DMRT2: variants seen among roughly 807,000 people sequenced by gnomAD.
DMRT2 encodes the protein doublesex and mab-3 related transcription factor 2.
In DMRT2, 33 loss-of-function variants were observed where a neutral mutation model predicts 43.5. That is an observed-to-expected ratio of 0.76 (90% CI 0.58 to 1.01). The LOEUF (loss-of-function observed/expected upper bound fraction) is 1.01, where lower values mean the gene tolerates loss of function less well. DMRT2 is among the 50% of genes least tolerant of loss of function. The pLI is 0.00. For missense variants in DMRT2, 1,064 were observed against 748.0 expected (o/e 1.42, Z -4.93); for synonymous variants, 395 against 309.2 (o/e 1.28, Z -2.91).
chr9:1,051,844 G>T lies in DMRT2; in HGVS notation c.231G>T (p.Gln77His). Residue 77 changes from glutamine to histidine, a missense_variant, in exon 2 of 4, where the codon CAG becomes CAT. Physicochemically the swap from Gln to His is conservative, Grantham distance 24. Coordinates refer to ENST00000358146, the MANE Select transcript of DMRT2 (RefSeq NM_181872.6). The surrounding 1 kb of genome is among the most constrained non-coding windows in gnomAD (Gnocchi z 5.9). ...EAGASPGMPG[Q>H]PEQRGGPQPR... ...GCGCGTCCCCCGGGATGCCCGGCCA[G>T]CCGGAGCAGCGGGGGGGACCGCAGC... The T allele has an allele frequency of 7.0e-7, 1 of 1,429,564 alleles. No homozygotes were observed. The highest frequency in any genetic ancestry group is 9.1e-7 in the Non-Finnish European group (1 of 1,100,046). The allele number at this position is 1,429,564 out of a possible 1,614,324, so 88.6% of individuals were successfully genotyped here.
At chr9:1,054,526 G>A (rs574149587) in intron 3 of DMRT2, 1 of 152,088 alleles carries the variant, frequency 6.6e-6, no homozygotes, top group South Asian at 2.1e-4. Flanking sequence ...AGCAAGCGAA[G>A]TGGAGGTTGA....
chr9:1,055,676 T>C, intron 3 of DMRT2: 1 of 1,447,002 alleles, frequency 6.9e-7, no homozygotes, highest in Non-Finnish European at 9.2e-7. Flanking sequence ...TTTCTTTTTC[T>C]ACTCGCTAAT....
chr9:1,051,204 A>G lies in DMRT2; in HGVS notation c.-44-366A>G, dbSNP rs1177437607. Among the ~76,000 whole-genome samples the G allele has an allele frequency of 6.6e-6, 1 of 152,186 alleles. No homozygotes were observed. The highest frequency in any genetic ancestry group is 2.4e-5 in the African/African-American group (1 of 41,460). On this transcript the variant is annotated intron_variant, in intron 1 of 3. Coordinates refer to ENST00000358146, the MANE Select transcript of DMRT2 (RefSeq NM_181872.6). The surrounding 1 kb of genome is among the most constrained non-coding windows in gnomAD (Gnocchi z 5.9). Reference sequence around the variant, plus strand: ...TGCATCATGGCCATACTAGTTGAGTATGGGGAAATCCGACAAGTGGCCTGG... The same window carrying G: ...TGCATCATGGCCATACTAGTTGAGTGTGGGGAAATCCGACAAGTGGCCTGG...
chr9:1,056,412 G>C lies in DMRT2; in HGVS notation c.825G>C (p.Val275=). ...CTCTGTTTCTGCCCAACCGCATGGT[G>C]CCTGGACCTGACTACAATTCCTACA... The part of the protein sequence containing the change: ...AAALFLPNRM[V]PGPDYNSYKS... Residue 275 remains valine (V), a synonymous_variant, in exon 4 of 4, where the codon GTG becomes GTC. Transcript: ENST00000358146. The C allele has an allele frequency of 1.9e-6, 3 of 1,614,198 alleles. No homozygotes were observed. The highest frequency in any genetic ancestry group is 1.7e-6 in the Non-Finnish European group (2 of 1,180,032).
chr9:1,053,681 T>C, intron 2 of DMRT2, 41 bp from the exon 3 acceptor site: 1 of 1,559,476 alleles, frequency 6.4e-7, no homozygotes. Flanking sequence ...CGCCCCCATT[T>C]TCTTTCAGGG....
At position 1,056,774 on chromosome 9, in the gene DMRT2, C is replaced by G. The variant is rs142308383; in HGVS notation, c.1187C>G (p.Ser396Trp). 6.2e-7 allele frequency: 1 copy of G among 1,614,084 alleles called. No individual in the cohort carries two copies. Among genetic ancestry groups the G allele is most frequent in the South Asian group, 1.1e-5 (1 of 91,074 alleles). The change falls in exon 4 of 4, where the codon TCG (serine) becomes TGG (tryptophan). Residue 396 changes from serine (S) to tryptophan (W), a missense_variant. By Grantham distance (177) the Ser-to-Trp change is radical. Coordinates refer to ENST00000358146, the MANE Select transcript of DMRT2 (RefSeq NM_181872.6). ...AGTGCAGAGCAGGACATGATGCCATCGAAATTGGAAGGTTCCCTGGTGCTG... is the reference window on the plus strand; with the variant it reads ...AGTGCAGAGCAGGACATGATGCCATGGAAATTGGAAGGTTCCCTGGTGCTG... ...GLSAEQDMMP[S>W]KLEGSLVLPH...
chr9:1,055,682 C>G, intron 3 of DMRT2: 2 of 1,458,038 alleles, frequency 1.4e-6, no homozygotes, highest in Non-Finnish European at 1.8e-6. Context: ...TTTCTACTCG[C>G]TAATCTCCTT....
Position 1,053,774 on chromosome 9 carries a change from A to G in DMRT2, c.578A>G (p.Tyr193Cys). 2 of 1,614,184 alleles carry G rather than the reference A, an allele frequency of 1.2e-6. No homozygotes were observed. The highest frequency in any genetic ancestry group is 1.1e-5 in the South Asian group (1 of 91,086). ...AATAATTTCGAGCGCAAAGCTGTGTACCAGAGGCAAGTCAGAGCCCCCAGT... is the reference window on the plus strand; with the variant it reads ...AATAATTTCGAGCGCAAAGCTGTGTGCCAGAGGCAAGTCAGAGCCCCCAGT... ...KQNNFERKAV[Y>C]QRQVRAPSLL... is the part of the protein sequence containing the mutation. The change falls in exon 3 of 4, where the codon TAC becomes TGC. Residue 193 changes from tyrosine (Y) to cysteine (C), a missense_variant. Coordinates refer to ENST00000358146, the MANE Select transcript of DMRT2 (RefSeq NM_181872.6).
At position 1,057,354 on chromosome 9, in the gene DMRT2, T is replaced by G. The variant is rs1299749577; in HGVS notation, c.*81T>G. 1 of 1,446,594 alleles carries G rather than the reference T, an allele frequency of 6.9e-7. No individual in the cohort carries two copies. Among genetic ancestry groups the G allele is most frequent in the Non-Finnish European group, 9.2e-7 (1 of 1,086,318 alleles). 89.6% of individuals were successfully genotyped at this position (1,446,594 alleles called of 1,614,324 possible). A position where few individuals can be genotyped will look rare whatever the true frequency, so the allele number is the denominator to read the frequency against. On this transcript the variant is annotated 3_prime_UTR_variant, in exon 4 of 4. Transcript: ENST00000358146. ...TTGCTACTTTTTTTAAAAGTTAAGA[T>G]GTTTGTGTAAAGAAATTTCTAATGT...
At chr9:1,055,694 A>G in intron 3 of DMRT2, 1 of 1,476,448 alleles carries the variant, frequency 6.8e-7, no homozygotes, top group Non-Finnish European at 9.0e-7. Context: ...AATCTCCTTT[A>G]ACTTTCTTTC....
Position 1,056,456 on chromosome 9 carries a change from G to T in DMRT2, c.869G>T (p.Ser290Ile). 6.2e-7 allele frequency: 1 copy of T among 1,614,152 alleles called. No homozygotes were observed. The highest frequency in any genetic ancestry group is 8.5e-7 in the Non-Finnish European group (1 of 1,180,018). ...TCCTACAAAAGTGCCTACAGCCCCA[G>T]CCCAGTGGAACCACCAAGCAAGGAC... ...YNSYKSAYSP[S>I]PVEPPSKDFC... Residue 290 changes from serine (S) to isoleucine (I), a missense_variant, in exon 4 of 4, where the codon AGC becomes ATC. Transcript: ENST00000358146.
chr9:1,052,210 C>T lies in DMRT2; in HGVS notation c.525+72C>T, dbSNP rs758127591. On this transcript the variant is annotated intron_variant, in intron 2 of 3. Transcript: ENST00000358146. The stretch of plus-strand genomic sequence containing the variant: ...GGGAGTTGGAGGGGAGCGGGGCGGC[C>T]GTCCACACCCCCCGCGCCCAGGGCC... The T allele has an allele frequency of 1.4e-4, 165 of 1,213,152 alleles. 1 individual carries two copies. The highest frequency in any genetic ancestry group is 9.3e-4 in the Middle Eastern group (3 of 3,212). 75.1% of individuals were successfully genotyped at this position (1,213,152 alleles called of 1,614,324 possible). A position where few individuals can be genotyped will look rare whatever the true frequency, so the allele number is the denominator to read the frequency against.
rs1004569305 is a variant in DMRT2 at position 1,057,361 on chromosome 9, G to A, written c.*88G>A. ...TTTTTTTAAAAGTTAAGATGTTTGT[G>A]TAAAGAAATTTCTAATGTAAAGATG... is the stretch of plus-strand genomic sequence containing the variant. On this transcript the variant is annotated 3_prime_UTR_variant, in exon 4 of 4. Transcript: ENST00000358146. 20 of 1,406,928 alleles carry A rather than the reference G, an allele frequency of 1.4e-5. No homozygotes were observed. The highest frequency in any genetic ancestry group is 2.4e-5 in the Admixed American group (1 of 41,156). 87.2% of individuals were successfully genotyped at this position (1,406,928 alleles called of 1,614,324 possible). A position where few individuals can be genotyped will look rare whatever the true frequency, so the allele number is the denominator to read the frequency against.
rs955880067 is a variant in DMRT2 at position 1,056,430 on chromosome 9, T to C, written c.843T>C (p.Asn281=). The C allele has an allele frequency of 3.7e-6, 6 of 1,614,072 alleles. No individual in the cohort carries two copies. Among genetic ancestry groups the C allele is most frequent in the Admixed American group, 1.7e-5 (1 of 60,000 alleles). ...GCATGGTGCCTGGACCTGACTACAA[T>C]TCCTACAAAAGTGCCTACAGCCCCA... ...PNRMVPGPDY[N]SYKSAYSPSP... Residue 281 remains asparagine (N), a synonymous_variant, in exon 4 of 4, where the codon AAT becomes AAC. Coordinates refer to ENST00000358146, the MANE Select transcript of DMRT2 (RefSeq NM_181872.6).
intron 3 of DMRT2, chr9:1,055,999 C>A: frequency 7.1e-7 from 1 of 1,412,980 alleles, no homozygotes; most frequent in Non-Finnish European, 9.2e-7. Flanking sequence ...AGAACAAGAA[C>A]AACAACAAGA....
chr9:1,053,347 A>G (rs559652434), intron 2 of DMRT2, among the ~76,000 whole-genome samples: 90 of 152,326 alleles, frequency 5.9e-4, no homozygotes, highest in African/African-American at 2.1e-3. Context: ...GTGGGCTCCC[A>G]GGACCCAGCC....
In DMRT2 at chr9:1,056,952, C is replaced by G. The variant is rs752235879; in HGVS notation, c.1365C>G (p.Ile455Met). 2 of 1,614,194 alleles carry G rather than the reference C, an allele frequency of 1.2e-6. No individual in the cohort carries two copies. Among genetic ancestry groups the G allele is most frequent in the Non-Finnish European group, 1.7e-6 (2 of 1,180,036 alleles). The change falls in exon 4 of 4, where the codon ATC (isoleucine) becomes ATG (methionine). Residue 455 changes from isoleucine (I) to methionine (M), a missense_variant. Ile to Met is a conservative substitution (Grantham distance 10). Transcript: ENST00000358146. ...LAAQGHVLTK[I>M]SKENTRHPLP... is the part of the protein sequence containing the mutation. The stretch of plus-strand genomic sequence containing the variant: ...CTCAAGGGCATGTCTTAACGAAGAT[C>G]AGCAAAGAAAACACCAGGCACCCTC...
chr9:1,057,416 A>G lies in DMRT2; in HGVS notation c.*143A>G, dbSNP rs1822083678. On this transcript the variant is annotated 3_prime_UTR_variant, in exon 4 of 4. Coordinates refer to ENST00000358146, the MANE Select transcript of DMRT2 (RefSeq NM_181872.6). ...TTTTGAAAAATTTTATATATTCCTA[A>G]TATGCATGTACTTTTTCTTATCACA... The G allele has an allele frequency of 1.2e-6, 1 of 852,232 alleles. No individual in the cohort carries two copies. The highest frequency in any genetic ancestry group is 1.7e-5 in the African/African-American group (1 of 58,360). The allele number at this position is 852,232 out of a possible 1,614,324, so 52.8% of individuals were successfully genotyped here.
Position 1,053,798 on chromosome 9 carries a change from G to C in DMRT2, c.602G>C (p.Ser201Thr), listed in dbSNP as rs778425270. Residue 201 changes from serine (S) to threonine (T), a missense_variant, in exon 3 of 4, where the codon AGT becomes ACT. Coordinates refer to ENST00000358146, the MANE Select transcript of DMRT2 (RefSeq NM_181872.6). ...AVYQRQVRAP[S>T]LLAKSILEGY... Reference sequence around the variant, plus strand: ...TACCAGAGGCAAGTCAGAGCCCCCAGTTTGCTGGCCAAAAGCATTTTAGAA... The same window carrying C: ...TACCAGAGGCAAGTCAGAGCCCCCACTTTGCTGGCCAAAAGCATTTTAGAA... 3 of 1,613,996 alleles carry C rather than the reference G, an allele frequency of 1.9e-6. No individual in the cohort carries two copies. The highest frequency in any genetic ancestry group is 1.7e-6 in the Non-Finnish European group (2 of 1,180,012).
Sources: allele counts gnomAD v4.1 joint callset (sites outside exome capture counted in the v4.1 genomes callset), GRCh38; gene constraint gnomAD v4.1.1; non-coding constraint Gnocchi (gnomAD v3.1); transcripts MANE v1.5; gene names NCBI Gene and HGNC (gene_info 2026-07-23, HGNC 2026-07-21).